The following OCA2 variants were observed in gnomAD, a reference collection of about 807,000 sequenced individuals.
OCA2 encodes P protein.
In OCA2, 77 loss-of-function variants were observed where a neutral mutation model predicts 100.2. That is an observed-to-expected ratio of 0.77 (90% confidence interval 0.64 to 0.93). The LOEUF is 0.93. Ranked by LOEUF, OCA2 falls within the 40% of genes least tolerant of loss-of-function variation. The pLI, the probability that OCA2 is intolerant of heterozygous loss-of-function variation, is 0.00. For synonymous variants in OCA2, 432 were observed against 439.2 expected, an observed-to-expected ratio of 0.98 and a Z score of 0.21; for missense variants, 1,062 against 1,089.1, an observed-to-expected ratio of 0.98 and a Z score of 0.35.
intron 17 of OCA2, among the ~76,000 whole-genome samples, chr15:27,952,933 T>TC (rs2040085308): frequency 2.6e-5 from 4 of 152,116 alleles, no homozygotes; most frequent in Admixed American, 2.0e-4. Context: ...TGCGTCCACC[T>TC]CTGCCTCCCA....
In OCA2 at chr15:27,844,996, G is replaced by A. The variant is rs781471173; in HGVS notation, c.2395C>T (p.Gln799Ter). 6.2e-7 allele frequency: 1 copy of A among 1,613,910 alleles called. No homozygotes were observed. Among genetic ancestry groups the A allele is most frequent in the Non-Finnish European group, 8.5e-7 (1 of 1,179,898 alleles). The change falls in exon 23 of 24, where the codon CAG (glutamine) becomes TAG (stop). Residue 799 changes from glutamine to a stop codon, truncating the protein, a stop_gained. Transcript: ENST00000354638. LOFTEE classifies it high-confidence loss of function. The stretch of plus-strand genomic sequence containing the variant: ...ATGAAGGAGAACCCATATCCATGCT[G>A]TTCTGCAATCCCTGCACACACGACG... ...ANVVCAGIAE[Q>*]HGYGFSFMEF...
intron 14 of OCA2, among the ~76,000 whole-genome samples, chr15:27,971,804 T>C (rs1040148064): frequency 6.6e-6 from 1 of 151,912 alleles, no homozygotes; most frequent in Non-Finnish European, 1.5e-5. Context: ...CCAAACTACA[T>C]AAGTATTCAT....
chr15:28,052,123 G>T (rs1301815658), intron 2 of OCA2, among the ~76,000 whole-genome samples: 3 of 152,108 alleles, frequency 2.0e-5, no homozygotes, highest in African/African-American at 7.2e-5. Context: ...CAGTGGCTCT[G>T]CTTCCTAGGG....
intron 9 of OCA2, among the ~76,000 whole-genome samples, chr15:27,991,364 G>A (rs1418087696): frequency 3.9e-5 from 6 of 152,236 alleles, no homozygotes; most frequent in South Asian, 2.1e-4. Flanking sequence ...CAAAGGAGGC[G>A]AAAACTGGAA....
the OCA2 span, among the ~76,000 whole-genome samples, chr15:27,721,207 A>G: frequency 6.6e-6 from 1 of 152,166 alleles, no homozygotes; most frequent in African/African-American, 2.4e-5. Flanking sequence ...TTTATTAACA[A>G]ATAACGTAAT....
chr15:27,814,883 T>TATAGATAGATAGATAGATAGATAG (rs201567846), intron 23 of OCA2, among the ~76,000 whole-genome samples: 1 of 101,756 alleles, frequency 9.8e-6, no homozygotes, highest in Non-Finnish European at 2.1e-5. Context: ...ATTCTCTCTC[T>TATAGATAGATAGATAGATAGATAG]ATAGATAGAT....
intron 23 of OCA2, among the ~76,000 whole-genome samples, chr15:27,820,717 C>A (rs2034471578): frequency 6.6e-6 from 1 of 152,208 alleles, no homozygotes; most frequent in South Asian, 2.1e-4. Flanking sequence ...GCGGTCAACA[C>A]TTTATTTTTA....
At chr15:28,032,008 A>G (rs2042918544) in intron 3 of OCA2, 57 bp downstream of exon 3, 4 of 1,314,398 alleles carry the variant, frequency 3.0e-6, no homozygotes, top group African/African-American at 2.9e-5. Context: ...TCCAGCATAC[A>G]TGCCAGGTGC....
At chr15:28,064,902 G>A (rs980777206) in intron 2 of OCA2, among the ~76,000 whole-genome samples, 14 of 151,460 alleles carry the variant, frequency 9.2e-5, no homozygotes, top group African/African-American at 3.4e-4. Flanking sequence ...GTTGTTGGTG[G>A]CAGTGGTTGC....
At chr15:27,869,495 T>C (rs1442038443) in intron 21 of OCA2, among the ~76,000 whole-genome samples, 1 of 152,266 alleles carries the variant, frequency 6.6e-6, no homozygotes, top group Non-Finnish European at 1.5e-5. Flanking sequence ...ATTCCATTTT[T>C]TAAAGTTAAA....
intron 10 of OCA2, 121 bp from the exon 11 acceptor site, chr15:27,989,787 A>C: frequency 6.5e-5 from 53 of 818,204 alleles, no homozygotes; most frequent in Non-Finnish European, 1.0e-4. Flanking sequence ...TGGAAATCTC[A>C]CCATCCACTT....
At chr15:28,051,191 G>A (rs1324086893) in intron 2 of OCA2, among the ~76,000 whole-genome samples, 1 of 152,222 alleles carries the variant, frequency 6.6e-6, no homozygotes, top group Non-Finnish European at 1.5e-5. Flanking sequence ...GGACATCCTG[G>A]CTCACTGGCT....
At chr15:27,795,268 G>A (rs557721010) in intron 23 of OCA2, among the ~76,000 whole-genome samples, 5 of 152,256 alleles carry the variant, frequency 3.3e-5, no homozygotes, top group African/African-American at 1.2e-4. Flanking sequence ...CACAGACACT[G>A]TCATTGTTCA....
intron 21 of OCA2, among the ~76,000 whole-genome samples, chr15:27,856,864 C>G (rs1199491995): frequency 6.6e-6 from 1 of 152,146 alleles, no homozygotes; most frequent in Non-Finnish European, 1.5e-5. Flanking sequence ...ATGGATGGCT[C>G]CAGCACTCAA....
intron 6 of OCA2, among the ~76,000 whole-genome samples, chr15:28,020,855 C>T (rs926505619): frequency 7.2e-5 from 11 of 152,138 alleles, no homozygotes; most frequent in African/African-American, 1.9e-4. Flanking sequence ...AGTGTGCCCC[C>T]GGCTCACCAG....
chr15:28,020,381 G>A (rs897584801), intron 6 of OCA2, among the ~76,000 whole-genome samples: 3 of 152,172 alleles, frequency 2.0e-5, no homozygotes, highest in Non-Finnish European at 4.4e-5. Flanking sequence ...TGGTGCCAGT[G>A]TTCCCCGAAA....
chr15:28,018,697 G>A lies in OCA2; in HGVS notation c.647-140C>T, dbSNP rs908430197. The stretch of plus-strand genomic sequence containing the variant: ...GCCCCACGCCCTTGGCCATTAACAC[G>A]ATCTTCCTGCCTTTCTTATTACCCA... On this transcript the variant is annotated intron_variant, in intron 6 of 23. Coordinates refer to ENST00000354638, the MANE Select transcript of OCA2 (RefSeq NM_000275.3). 5.5e-5 allele frequency: 42 copies of A among 762,358 alleles called. No individual in the cohort carries two copies. In the Middle Eastern group the frequency reaches 1.1e-3, roughly 19 times the overall value. The allele number at this position is 762,358 out of a possible 1,614,324, so 47.2% of individuals were successfully genotyped here. A position where few individuals can be genotyped will look rare whatever the true frequency, so the allele number is the denominator to read the frequency against.
the OCA2 span, among the ~76,000 whole-genome samples, chr15:27,719,791 G>C: frequency 1.3e-5 from 2 of 152,158 alleles, no homozygotes; most frequent in African/African-American, 4.8e-5. Flanking sequence ...GTGCAAGATT[G>C]GGTGGCCCCA....
chr15:27,941,433 A>C (rs1277166148), intron 18 of OCA2, among the ~76,000 whole-genome samples: 1 of 152,192 alleles, frequency 6.6e-6, no homozygotes, highest in African/African-American at 2.4e-5. Flanking sequence ...TTATATGCAG[A>C]CCTATGTGAT....
Sources: gnomAD v4.1 joint callset for allele counts (sites outside exome capture counted in the v4.1 genomes callset) on GRCh38, gnomAD v4.1.1 for gene constraint, MANE v1.5 for transcripts, NCBI Gene and HGNC (gene_info 2026-07-23, HGNC 2026-07-21) for gene names.